The following PATJ variants were observed in gnomAD, a reference collection of about 807,000 sequenced individuals.
The protein encoded by PATJ is inaD-like protein.
PATJ carries 190 observed loss-of-function variants against 224.9 expected under a neutral mutation model. That is an observed-to-expected ratio of 0.84 (90% CI 0.75 to 0.95). PATJ has a LOEUF of 0.95. Ranked by LOEUF, PATJ falls within the 40% of genes least tolerant of loss-of-function variation. PATJ has a pLI of 0.00. For synonymous variants in PATJ, 769 were observed against 820.3 expected, an observed-to-expected ratio of 0.94 and a Z score of 1.07; for missense variants, 2,121 against 2,270.3, an observed-to-expected ratio of 0.93 and a Z score of 1.34.
chr1:62,142,347 CT>C (rs113854474), intron 41 of PATJ, among the ~76,000 whole-genome samples: 1,747 of 147,928 alleles, frequency 0.012, 22 homozygotes, highest in African/African-American at 0.036. Context: ...TGCCTTGTTA[CT>C]TTTTTTTTTT....
chr1:62,094,572 C>A (rs1333554330), intron 33 of PATJ, among the ~76,000 whole-genome samples: 1 of 91,620 alleles, frequency 1.1e-5, no homozygotes, highest in Admixed American at 1.2e-4. Flanking sequence ...CACACACACA[C>A]ACACACACAC....
At chr1:62,052,526 G>A (rs1476535744) in intron 31 of PATJ, among the ~76,000 whole-genome samples, 1 of 151,778 alleles carries the variant, frequency 6.6e-6, no homozygotes, top group East Asian at 1.9e-4. Context: ...CAGATCACCT[G>A]AAGTCAGGAG....
In PATJ at chr1:61,833,751, G is replaced by A. The variant is rs1449126441; in HGVS notation, c.2078G>A (p.Cys693Tyr). ...AAGATTGTTGAACTAGTAAAAGATT[G>A]TAAAGGTTTGGGATTCAGCATTTTG... ...EVKIVELVKD[C>Y]KGLGFSILDY... The change falls in exon 17 of 44, where the codon TGT (cysteine) becomes TAT (tyrosine). Residue 693 changes from cysteine to tyrosine, a missense_variant. Coordinates refer to ENST00000642238, the MANE Select transcript of PATJ (RefSeq NM_001350145.3). 1.2e-6 allele frequency: 2 copies of A among 1,613,638 alleles called. No homozygotes were observed. Among genetic ancestry groups the A allele is most frequent in the Non-Finnish European group, 1.7e-6 (2 of 1,179,698 alleles).
intron 27 of PATJ, among the ~76,000 whole-genome samples, chr1:61,947,218 G>A (rs1231983350): frequency 6.6e-6 from 1 of 152,074 alleles, no homozygotes; most frequent in East Asian, 1.9e-4. Flanking sequence ...TTCTGGCCAG[G>A]GCAATCAGGC....
intron 7 of PATJ, among the ~76,000 whole-genome samples, chr1:61,778,127 G>A (rs1189708100): frequency 2.6e-5 from 4 of 152,038 alleles, no homozygotes; most frequent in African/African-American, 7.3e-5. Context: ...TGATCCTCCC[G>A]CCTTGGCCTC....
At chr1:62,046,055 A>T (rs542723584) in intron 30 of PATJ, among the ~76,000 whole-genome samples, 23 of 152,224 alleles carry the variant, frequency 1.5e-4, no homozygotes, top group African/African-American at 5.5e-4. Context: ...ACAAAAAATT[A>T]GCCAGGCATG....
At chr1:62,152,787 A>G (rs577449828) in intron 42 of PATJ, among the ~76,000 whole-genome samples, 4 of 152,334 alleles carry the variant, frequency 2.6e-5, no homozygotes, top group East Asian at 1.9e-4. Flanking sequence ...CTCTGTCTCC[A>G]TGCACATGCT....
Position 62,108,514 on chromosome 1 carries a change from A to G in PATJ, c.4455A>G (p.Ile1485Met), listed in dbSNP as rs144958861. ...GAAGACTTTGGGCTGGTGACCAGAT[A>G]TTAGAGGTATATGGTTTTGAATTTT... ...RDGRLWAGDQILEVNGVDLRN... is the reference protein window; with the variant it reads ...RDGRLWAGDQMLEVNGVDLRN... Residue 1485 changes from isoleucine to methionine, a missense_variant, in exon 34 of 44, where the codon ATA (isoleucine) becomes ATG (methionine). Coordinates refer to ENST00000642238, the MANE Select transcript of PATJ (RefSeq NM_001350145.3). 1.5e-4 allele frequency: 243 copies of G among 1,601,004 alleles called. No homozygotes were observed. The highest frequency in any genetic ancestry group is 8.0e-4 in the Admixed American group (48 of 59,776).
At chr1:61,762,059 A>G (rs981943689) in intron 1 of PATJ, among the ~76,000 whole-genome samples, 4 of 152,168 alleles carry the variant, frequency 2.6e-5, no homozygotes, top group African/African-American at 7.2e-5. Context: ...TGAGGATCCT[A>G]TGATCTGCTT....
At chr1:61,778,158 G>A in intron 7 of PATJ, among the ~76,000 whole-genome samples, 1 of 152,088 alleles carries the variant, frequency 6.6e-6, no homozygotes, top group Non-Finnish European at 1.5e-5. Context: ...GGAATTACAG[G>A]TGTGAGCCAT....
At chr1:61,906,355 G>C (rs1332083698) in intron 24 of PATJ, among the ~76,000 whole-genome samples, 2 of 152,116 alleles carry the variant, frequency 1.3e-5, no homozygotes, top group Non-Finnish European at 2.9e-5. Flanking sequence ...ATTGTAGGGG[G>C]AATGCAGGGA....
intron 27 of PATJ, among the ~76,000 whole-genome samples, chr1:61,945,483 G>T (rs77428483): frequency 2.6e-5 from 4 of 151,954 alleles, no homozygotes; most frequent in East Asian, 1.9e-4. Flanking sequence ...AGACAAAGAA[G>T]GCCATTACAT....
intron 27 of PATJ, among the ~76,000 whole-genome samples, chr1:61,955,874 A>G (rs564012137): frequency 5.3e-4 from 80 of 152,326 alleles, no homozygotes; most frequent in South Asian, 3.7e-3. Context: ...ATTGATTGCT[A>G]TTCTCTTTTT....
At chr1:62,008,704 G>A (rs778900432) in intron 28 of PATJ, among the ~76,000 whole-genome samples, 15 of 152,106 alleles carry the variant, frequency 9.9e-5, no homozygotes, top group East Asian at 5.8e-4. Flanking sequence ...AGCCATGATC[G>A]CACCATTGCA....
At chr1:62,073,516 T>C (rs1391766716) in intron 31 of PATJ, among the ~76,000 whole-genome samples, 1 of 151,998 alleles carries the variant, frequency 6.6e-6, no homozygotes, top group Non-Finnish European at 1.5e-5. Context: ...GCCTGTAGTC[T>C]CAGCTACTCA....
intron 33 of PATJ, among the ~76,000 whole-genome samples, chr1:62,106,749 T>G (rs1475329357): frequency 6.6e-6 from 1 of 152,114 alleles, no homozygotes; most frequent in East Asian, 1.9e-4. Context: ...CTGCTCATCA[T>G]CAAGCCTATT....
chr1:61,750,070 G>T (rs1043758864), intron 1 of PATJ, among the ~76,000 whole-genome samples: 18 of 152,224 alleles, frequency 1.2e-4, no homozygotes, highest in Admixed American at 6.5e-5. Context: ...CAGTAATATT[G>T]TAAACCAGGA....
chr1:62,074,000 T>A (rs1456762954), intron 31 of PATJ, among the ~76,000 whole-genome samples: 1 of 152,106 alleles, frequency 6.6e-6, no homozygotes, highest in Non-Finnish European at 1.5e-5. Flanking sequence ...TTTTCCTTGC[T>A]TTTTTTAACT....
intron 35 of PATJ, among the ~76,000 whole-genome samples, chr1:62,115,947 C>T (rs975442128): frequency 1.3e-5 from 2 of 152,114 alleles, no homozygotes; most frequent in East Asian, 3.8e-4. Flanking sequence ...GAGTCTCTTA[C>T]ATTTCTAAAC....
Sources: gnomAD v4.1 joint callset for allele counts (sites outside exome capture counted in the v4.1 genomes callset) on GRCh38, gnomAD v4.1.1 for gene constraint, MANE v1.5 for transcripts, NCBI Gene and HGNC (gene_info 2026-07-23, HGNC 2026-07-21) for gene names.